The following PRIMPOL variants were observed in gnomAD, a reference collection of about 807,000 sequenced individuals.
PRIMPOL encodes DNA-directed primase/polymerase protein.
In PRIMPOL, 54 loss-of-function variants were observed where a neutral mutation model predicts 63.6. That is an observed-to-expected ratio of 0.85 (90% CI 0.68 to 1.07). The LOEUF (loss-of-function observed/expected upper bound fraction) is 1.07, where lower values mean the gene tolerates loss of function less well. PRIMPOL is among the 50% of genes least tolerant of loss of function. PRIMPOL has a pLI of 0.00. For synonymous variants in PRIMPOL, 197 were observed against 220.2 expected (o/e 0.89, Z 0.93); for missense variants, 610 against 648.3 (o/e 0.94, Z 0.64).
Position 184,659,382 on chromosome 4 carries a change from C to G in PRIMPOL, c.223C>G (p.Gln75Glu). 1 of 1,613,912 alleles carries G rather than the reference C, an allele frequency of 6.2e-7. No homozygotes were observed. Among genetic ancestry groups the G allele is most frequent in the Non-Finnish European group, 8.5e-7 (1 of 1,179,848 alleles). ...TTTGGAATGCAAAGTAGGAGATGGA[C>G]AACGTATTTACCTTGTGACAACCTA... ...FALECKVGDG[Q>E]RIYLVTTYAE... The change falls in exon 4 of 14, where the codon CAA (glutamine) becomes GAA (glutamate). Residue 75 changes from glutamine (Q) to glutamate (E), a missense_variant. By Grantham distance (29) the Gln-to-Glu change is conservative. This residue lies in a region of PRIMPOL where 159 missense variants were observed against 168.9 expected (regional missense o/e 0.94). Coordinates refer to ENST00000314970, the MANE Select transcript of PRIMPOL (RefSeq NM_152683.4).
chr4:184,682,285 T>C lies in PRIMPOL; in HGVS notation c.1045T>C (p.Ser349Pro), dbSNP rs372365143. The change falls in exon 9 of 14, where the codon TCT (serine) becomes CCT (proline). Residue 349 changes from serine (S) to proline (P), a missense_variant. Transcript: ENST00000314970. ...DTLRILTCEP[S>P]QNKQKGVGYF... ...TTTACGAATTCTTACATGTGAGCCA[T>C]CTCAGAATAAACAAAAAGGAGTTGG... 4.4e-6 allele frequency: 7 copies of C among 1,605,044 alleles called. No homozygotes were observed. The highest frequency in any genetic ancestry group is 6.0e-6 in the Non-Finnish European group (7 of 1,172,438).
intron 7 of PRIMPOL, among the ~76,000 whole-genome samples, chr4:184,673,053 T>G (rs891548038): frequency 6.6e-6 from 1 of 152,098 alleles, no homozygotes; most frequent in East Asian, 1.9e-4. Flanking sequence ...ACAGCTCCCA[T>G]TGGTGAACTG....
rs1748398095 is a variant in PRIMPOL, at chr4:184,661,791, G to A, written c.296G>A (p.Cys99Tyr). ...YYKSRKNLLHCYEVIPENAVC... is the reference protein window; with the variant it reads ...YYKSRKNLLHYYEVIPENAVC... Reference sequence around the variant, plus strand: ...CAATTTAGAAAAAATCTCTTACACTGCTATGAAGTTATTCCTGAAAATGCT... The same window carrying A: ...CAATTTAGAAAAAATCTCTTACACTACTATGAAGTTATTCCTGAAAATGCT... The change falls in exon 5 of 14, where the codon TGC becomes TAC. Residue 99 changes from cysteine to tyrosine, a missense_variant. Physicochemically the swap from Cys to Tyr is radical, Grantham distance 194. Coordinates refer to ENST00000314970, the MANE Select transcript of PRIMPOL (RefSeq NM_152683.4). 1.9e-6 allele frequency: 3 copies of A among 1,609,048 alleles called. No homozygotes were observed. The highest frequency in any genetic ancestry group is 3.3e-5 in the Admixed American group (2 of 59,734).
chr4:184,693,559 T>C (rs149122232), intron 13 of PRIMPOL, among the ~76,000 whole-genome samples: 1 of 152,328 alleles, frequency 6.6e-6, no homozygotes, highest in East Asian at 1.9e-4. Flanking sequence ...TATTTTAAAT[T>C]ACCAGTTGGT....
intron 11 of PRIMPOL, among the ~76,000 whole-genome samples, chr4:184,688,818 C>T (rs1215704741): frequency 1.3e-5 from 2 of 152,176 alleles, no homozygotes; most frequent in Admixed American, 6.5e-5. Context: ...TTGGTCCAGA[C>T]GTTCCCCGAT....
At chr4:184,653,747 A>C (rs538203516) in intron 2 of PRIMPOL, among the ~76,000 whole-genome samples, 1 of 152,302 alleles carries the variant, frequency 6.6e-6, no homozygotes, top group South Asian at 2.1e-4. Context: ...GCTTTGATAC[A>C]CAATTATGTA....
At chr4:184,650,956 A>G (rs568421468) in intron 1 of PRIMPOL, among the ~76,000 whole-genome samples, 46 of 152,158 alleles carry the variant, frequency 3.0e-4, no homozygotes, top group Non-Finnish European at 5.4e-4. Flanking sequence ...AGGAATTCCA[A>G]TTTAAAGAGG....
intron 7 of PRIMPOL, among the ~76,000 whole-genome samples, chr4:184,674,728 C>T (rs1041707515): frequency 2.0e-5 from 3 of 152,078 alleles, no homozygotes; most frequent in African/African-American, 7.2e-5. Flanking sequence ...GTGAAGTAAG[C>T]TAAAGAAAAG....
chr4:184,678,289 G>A lies in PRIMPOL; in HGVS notation c.902G>A (p.Arg301His), dbSNP rs200656576. ...TATAAATCATCAAAAATTGGAAAGC[G>A]TGTGGCTTTGGAGGTTACTGAAGAT... ...RLYKSSKIGK[R>H]VALEVTEDNK... The change falls in exon 8 of 14, where the codon CGT (arginine) becomes CAT (histidine). Residue 301 changes from arginine to histidine, a missense_variant. Arg to His is a conservative substitution (Grantham distance 29). This residue lies in a region of PRIMPOL where 444 missense variants were observed against 456.4 expected (regional missense o/e 0.97). Transcript: ENST00000314970. 1.2e-4 allele frequency: 195 copies of A among 1,604,220 alleles called. No individual in the cohort carries two copies. In the African/African-American group the frequency reaches 2.0e-3, roughly 16 times the overall value.
chr4:184,658,609 T>TA (rs1326648359), intron 3 of PRIMPOL, among the ~76,000 whole-genome samples: 2 of 151,916 alleles, frequency 1.3e-5, no homozygotes, highest in African/African-American at 2.4e-5. Flanking sequence ...AATTAACCTT[T>TA]AAAAAAATGG....
chr4:184,654,427 T>A lies in PRIMPOL; in HGVS notation c.-60+2327T>A, dbSNP rs1745621063. On this transcript the variant is annotated intron_variant, in intron 2 of 13. Coordinates refer to ENST00000314970, the MANE Select transcript of PRIMPOL (RefSeq NM_152683.4). Reference sequence around the variant, plus strand: ...CAGAATCTAGCAATAAGGAGCCATATCACTTTGTATTGACAAGTTAAAGCA... The same window carrying A: ...CAGAATCTAGCAATAAGGAGCCATAACACTTTGTATTGACAAGTTAAAGCA... Among the ~76,000 whole-genome samples the A allele has an allele frequency of 3.4e-5, 5 of 147,168 alleles. No individual in the cohort carries two copies. In the East Asian group the frequency reaches 8.0e-4, roughly 24 times the overall value.
At chr4:184,675,955 A>G (rs755257483) in intron 7 of PRIMPOL, among the ~76,000 whole-genome samples, 5 of 152,140 alleles carry the variant, frequency 3.3e-5, no homozygotes, top group African/African-American at 1.2e-4. Flanking sequence ...GAGGAACATA[A>G]GTCATTAAAT....
chr4:184,690,107 T>A (rs1028625909), intron 11 of PRIMPOL, among the ~76,000 whole-genome samples: 8 of 152,190 alleles, frequency 5.3e-5, no homozygotes, highest in Non-Finnish European at 1.2e-4. Flanking sequence ...TGGGGAGTGT[T>A]AACCATCTTA....
chr4:184,689,446 C>CTTTTT (rs70962517), intron 11 of PRIMPOL, among the ~76,000 whole-genome samples: 2 of 50,260 alleles, frequency 4.0e-5, no homozygotes, highest in African/African-American at 8.4e-5. Context: ...GTTAATGGTG[C>CTTTTT]TTTTTTTTTT....
chr4:184,676,140 G>A (rs1046242010), intron 7 of PRIMPOL, among the ~76,000 whole-genome samples: 4 of 151,818 alleles, frequency 2.6e-5, no homozygotes, highest in Non-Finnish European at 2.9e-5. Flanking sequence ...TTAGAGACAA[G>A]GTCTCATTCT....
intron 7 of PRIMPOL, among the ~76,000 whole-genome samples, chr4:184,674,428 C>T (rs543130359): frequency 3.9e-5 from 6 of 152,284 alleles, no homozygotes; most frequent in East Asian, 3.9e-4. Context: ...ATCCTCCTTC[C>T]GGTCCGGACC....
Position 184,685,691 on chromosome 4 carries a change from A to ACATT in PRIMPOL, c.1295+7_1295+8insCATT. 1.6e-5 allele frequency: 20 copies of ACATT among 1,223,650 alleles called. No homozygotes were observed. The highest frequency in any genetic ancestry group is 2.2e-5 in the Non-Finnish European group (19 of 847,358). The allele number at this position is 1,223,650 out of a possible 1,614,324, so 75.8% of individuals were successfully genotyped here. ...ATAAGAGTAATAATATAATGTAAGT[A>ACATT]ATATTAATGATTTGTGTGTATTTAA... On this transcript the variant is annotated splice_region_variant and intron_variant, in intron 11 of 13. Transcript: ENST00000314970.
intron 11 of PRIMPOL, among the ~76,000 whole-genome samples, chr4:184,688,309 A>G (rs2141257): frequency 0.12 from 18,294 of 152,246 alleles, 1,284 homozygotes; most frequent in Middle Eastern, 0.17. Flanking sequence ...CTACTGTTCC[A>G]TATTCTCACC....
In PRIMPOL at chr4:184,658,690, T is replaced by A. The variant is rs181995960; in HGVS notation, c.181-650T>A. Among the ~76,000 whole-genome samples the A allele has an allele frequency of 2.6e-5, 4 of 152,224 alleles. No homozygotes were observed. In the East Asian group the frequency reaches 7.7e-4, roughly 29 times the overall value. On this transcript the variant is annotated intron_variant, in intron 3 of 13. Transcript: ENST00000314970. ...GGAGGCTGAGGCAGGCAGATCACTT[T>A]GAGGTCAGGAGTTCGAGACCAGCCT...
Sources: gnomAD v4.1 joint callset for allele counts (sites outside exome capture counted in the v4.1 genomes callset) on GRCh38, gnomAD v4.1.1 for gene constraint, gnomAD v4.1.1 regional missense constraint, MANE v1.5 for transcripts, NCBI Gene and HGNC (gene_info 2026-07-23, HGNC 2026-07-21) for gene names.